EXOC5: variants seen among roughly 807,000 people sequenced by gnomAD.
EXOC5 encodes the protein SEC10-like 1.
Under a neutral mutation model 90.8 loss-of-function variants are expected in EXOC5, and 17 were observed. That is an observed-to-expected ratio of 0.19 (90% CI 0.13 to 0.28). The LOEUF is 0.28. Among genes scored for constraint, EXOC5 ranks in the 10% least tolerant of loss-of-function variants. EXOC5 has a pLI of 1.00. For missense variants in EXOC5, 569 were observed against 830.6 expected (o/e 0.69, Z 3.87); for synonymous variants, 260 against 270.0 (o/e 0.96, Z 0.36).
Position 57,233,837 on chromosome 14 carries a change from CAG to C in EXOC5, c.759_760del (p.Cys254SerfsTer13). 6.2e-7 allele frequency: 1 copy of C among 1,608,650 alleles called. No individual in the cohort carries two copies. Among genetic ancestry groups the C allele is most frequent in the Non-Finnish European group, 8.5e-7 (1 of 1,175,316 alleles). On this transcript the variant is annotated frameshift_variant, in exon 9 of 18. Transcript: ENST00000621441. LOFTEE classifies it high-confidence loss of function. ...TCCAACTTGTTTGTTCACTCTTTGACAGAGTATTCCAGCGTCTTCAAATATAT... is the reference window on the plus strand; with the variant it reads ...TCCAACTTGTTTGTTCACTCTTTGACAGTATTCCAGCGTCTTCAAATATAT...
chr14:57,254,113 T>C (rs990878676), intron 1 of EXOC5, among the ~76,000 whole-genome samples: 2 of 152,070 alleles, frequency 1.3e-5, no homozygotes, highest in African/African-American at 2.4e-5. Flanking sequence ...TCCAAAGATA[T>C]ATAAATGGCC....
intron 1 of EXOC5, among the ~76,000 whole-genome samples, chr14:57,261,771 A>C (rs1198576538): frequency 2.6e-5 from 4 of 152,206 alleles, no homozygotes; most frequent in Non-Finnish European, 5.9e-5. Flanking sequence ...GTTAGCTGGG[A>C]GTTCAGCCAG....
chr14:57,244,739 T>G (rs1211283082), intron 3 of EXOC5, among the ~76,000 whole-genome samples: 1 of 151,938 alleles, frequency 6.6e-6, no homozygotes, highest in Non-Finnish European at 1.5e-5. Flanking sequence ...CTGAAAAGAA[T>G]AAAAAATATG....
At chr14:57,244,430 T>C (rs1883971973) in intron 3 of EXOC5, 71 bp from the exon 4 acceptor site, 4 of 1,038,180 alleles carry the variant, frequency 3.9e-6, no homozygotes, top group South Asian at 2.7e-5. Flanking sequence ...ACTACTCTTA[T>C]TGCTACTAAC....
intron 7 of EXOC5, among the ~76,000 whole-genome samples, chr14:57,234,585 GAC>G (rs1330282946): frequency 7.1e-6 from 1 of 140,426 alleles, no homozygotes; most frequent in African/African-American, 2.6e-5. Flanking sequence ...TTTTTTTTGA[GAC>G]AGGATTTCAC....
chr14:57,228,267 AGTAC>A (rs1367153904), intron 12 of EXOC5, among the ~76,000 whole-genome samples: 1 of 152,182 alleles, frequency 6.6e-6, no homozygotes, highest in East Asian at 1.9e-4. Context: ...AGTGTAAACT[AGTAC>A]AACCATTGTG....
At position 57,208,750 on chromosome 14, in the gene EXOC5, A is replaced by G. The variant is rs762116876; in HGVS notation, c.1986T>C (p.Asn662=). The G allele has an allele frequency of 3.1e-6, 5 of 1,611,588 alleles. No individual in the cohort carries two copies. The African/African-American group carries it at 6.7e-5, about 22-fold the overall frequency. ...AATTATCTGGGGCAACTACCAGAAG[A>G]TTGCAAAGAGCATGCAGAGTATCAA... ...HLFDTLHALC[N]LLVVAPDNLK... is the part of the protein sequence containing the mutation. Residue 662 remains asparagine, a synonymous_variant, in exon 18 of 18, where the codon AAT becomes AAC. Coordinates refer to ENST00000621441, the MANE Select transcript of EXOC5 (RefSeq NM_006544.4).
intron 6 of EXOC5, among the ~76,000 whole-genome samples, chr14:57,236,909 T>TAA (rs11380256): frequency 9.7e-5 from 14 of 144,758 alleles, no homozygotes; most frequent in African/African-American, 3.0e-4. Context: ...TATATAATCT[T>TAA]AAAAAAAAAA....
At chr14:57,248,630 T>G (rs899203269) in intron 1 of EXOC5, among the ~76,000 whole-genome samples, 1 of 152,046 alleles carries the variant, frequency 6.6e-6, no homozygotes, top group African/African-American at 2.4e-5. Context: ...TACACACTAA[T>G]TTACATACTT....
chr14:57,206,851 G>GT lies in EXOC5; in HGVS notation c.*1757dup, dbSNP rs1882672393. ...CATGTTTTATTTGAGATTTTTTTTC[G>GT]TTTTTTCTTTTTTACAAATTGACAC... is the stretch of plus-strand genomic sequence containing the variant. On this transcript the variant is annotated 3_prime_UTR_variant, in exon 18 of 18. Transcript: ENST00000621441. 1 of 151,976 alleles carries GT rather than the reference G, an allele frequency of 6.6e-6. No individual in the cohort carries two copies. The highest frequency in any genetic ancestry group is 1.5e-5 in the Non-Finnish European group (1 of 67,822). 9.4% of individuals were successfully genotyped at this position (151,976 alleles called of 1,614,324 possible). A position where few individuals can be genotyped will look rare whatever the true frequency, so the allele number is the denominator to read the frequency against.
chr14:57,228,249 C>T (rs1049422019), intron 12 of EXOC5, among the ~76,000 whole-genome samples: 3 of 152,056 alleles, frequency 2.0e-5, no homozygotes, highest in African/African-American at 7.2e-5. Flanking sequence ...TTCTACACTG[C>T]TGGTGGGAGT....
Position 57,205,983 on chromosome 14 carries a change from AC to A in EXOC5, c.*2625del, listed in dbSNP as rs1255063493. ...AAGGACACTTCATCTACTCTGGTTG[AC>A]TGTCATTTTCAACATCATAATTTAC... On this transcript the variant is annotated 3_prime_UTR_variant, in exon 18 of 18. Transcript: ENST00000621441. 1.1e-5 allele frequency: 5 copies of A among 455,968 alleles called. No homozygotes were observed. Among genetic ancestry groups the A allele is most frequent in the Non-Finnish European group, 2.2e-5 (5 of 226,626 alleles). The allele number at this position is 455,968 out of a possible 1,614,324, so 28.2% of individuals were successfully genotyped here. A position where few individuals can be genotyped will look rare whatever the true frequency, so the allele number is the denominator to read the frequency against.
rs976144882 is a variant in EXOC5, at chr14:57,204,956, T to C, written c.*3653A>G. 1 of 151,930 alleles carries C rather than the reference T, an allele frequency of 6.6e-6. No individual in the cohort carries two copies. Among genetic ancestry groups the C allele is most frequent in the African/African-American group, 2.4e-5 (1 of 41,416 alleles). 9.4% of individuals were successfully genotyped at this position (151,930 alleles called of 1,614,324 possible). A position where few individuals can be genotyped will look rare whatever the true frequency, so the allele number is the denominator to read the frequency against. On this transcript the variant is annotated 3_prime_UTR_variant, in exon 18 of 18. Coordinates refer to ENST00000621441, the MANE Select transcript of EXOC5 (RefSeq NM_006544.4). ...TCTATTTAACGTTACGTAAGGAGAA[T>C]AGCATATAGAACCTAAAAGTGAGTG...
chr14:57,216,229 A>T (rs2139614356), intron 15 of EXOC5, among the ~76,000 whole-genome samples: 1 of 151,932 alleles, frequency 6.6e-6, no homozygotes, highest in Admixed American at 6.6e-5. Context: ...TACTCAAAGC[A>T]ATTCAATGCA....
At chr14:57,243,829 T>G (rs555985548) in intron 4 of EXOC5, among the ~76,000 whole-genome samples, 8 of 152,238 alleles carry the variant, frequency 5.3e-5, no homozygotes, top group African/African-American at 1.9e-4. Flanking sequence ...CACCACCCAA[T>G]GGACTGTCAC....
Position 57,204,012 on chromosome 14 carries a change from G to A in EXOC5, c.*4597C>T, listed in dbSNP as rs913659203. 2 of 152,566 alleles carry A rather than the reference G, an allele frequency of 1.3e-5. No individual in the cohort carries two copies. The highest frequency in any genetic ancestry group is 1.5e-5 in the Non-Finnish European group (1 of 68,020). The allele number at this position is 152,566 out of a possible 1,614,324, so 9.5% of individuals were successfully genotyped here. ...CCTCTGAGGTTGACTGCTATGTGAA[G>A]TATGATGTGATATATTCCTATTTAA... On this transcript the variant is annotated 3_prime_UTR_variant, in exon 18 of 18. Coordinates refer to ENST00000621441, the MANE Select transcript of EXOC5 (RefSeq NM_006544.4).
chr14:57,209,048 G>A (rs1882746520), intron 17 of EXOC5, among the ~76,000 whole-genome samples: 1 of 152,026 alleles, frequency 6.6e-6, no homozygotes, highest in Non-Finnish European at 1.5e-5. Context: ...TACTTCAGAG[G>A]ACTAAAACTA....
rs1882718064 is a variant in EXOC5 at position 57,208,290 on chromosome 14, T to C, written c.*319A>G. The C allele has an allele frequency of 1.4e-5, 3 of 212,576 alleles. No individual in the cohort carries two copies. The Admixed American group carries it at 1.7e-4, about 12-fold the overall frequency. The allele number at this position is 212,576 out of a possible 1,614,324, so 13.2% of individuals were successfully genotyped here. A position where few individuals can be genotyped will look rare whatever the true frequency, so the allele number is the denominator to read the frequency against. Reference sequence around the variant, plus strand: ...ACAAGAACCGAAAACACTGGTAACATTTCCTTTGCCTTCTGACAGCAACAT... The same window carrying C: ...ACAAGAACCGAAAACACTGGTAACACTTCCTTTGCCTTCTGACAGCAACAT... On this transcript the variant is annotated 3_prime_UTR_variant, in exon 18 of 18. Coordinates refer to ENST00000621441, the MANE Select transcript of EXOC5 (RefSeq NM_006544.4).
Position 57,262,697 on chromosome 14 carries a change from A to G in EXOC5, c.27+5925T>C, listed in dbSNP as rs774749763. ...ATATATATACATTAAGTATATATGT[A>G]TATATATATGTATATATATGTGTGT... On this transcript the variant is annotated intron_variant, in intron 1 of 17. Coordinates refer to ENST00000621441, the MANE Select transcript of EXOC5 (RefSeq NM_006544.4). 1.1e-3 allele frequency among the ~76,000 whole-genome samples: 134 copies of G among 127,308 alleles called. 1 individual carries two copies. The highest frequency in any genetic ancestry group is 3.1e-3 in the African/African-American group (93 of 30,316). The allele number at this position is 127,308 out of a possible 152,430, so 83.5% of individuals were successfully genotyped here.
Sources: allele counts gnomAD v4.1 joint callset (sites outside exome capture counted in the v4.1 genomes callset), GRCh38; gene constraint gnomAD v4.1.1; transcripts MANE v1.5; gene names NCBI Gene and HGNC (gene_info 2026-07-23, HGNC 2026-07-21).